IL1RL2: variants seen among roughly 807,000 people sequenced by gnomAD.
IL1RL2 encodes interleukin 1 receptor like 2.
IL1RL2 carries 68 observed loss-of-function variants against 66.8 expected under a neutral mutation model. The observed-to-expected ratio is 1.02, with a 90% CI of 0.84 to 1.25. IL1RL2 has a LOEUF of 1.25. IL1RL2 is among the 50% of genes most tolerant of loss of function. The pLI, the probability that IL1RL2 is intolerant of heterozygous loss-of-function variation, is 0.00. For synonymous variants in IL1RL2, 305 were observed against 264.6 expected, an observed-to-expected ratio of 1.15 and a Z score of -1.48; for missense variants, 729 against 709.3, an observed-to-expected ratio of 1.03 and a Z score of -0.32.
chr2:102,219,228 A>G, intron 7 of IL1RL2, 146 bp downstream of exon 7: 2 of 913,680 alleles, frequency 2.2e-6, no homozygotes. Flanking sequence ...AGTTAGGGAG[A>G]TATGGTAAAA....
At chr2:102,187,461 G>A (rs1374200418) in intron 1 of IL1RL2, 5 of 960,126 alleles carry the variant, frequency 5.2e-6, no homozygotes, top group African/African-American at 1.7e-5. Context: ...CGCCGCGAGC[G>A]GGGTTGGGGT....
intron 8 of IL1RL2, among the ~76,000 whole-genome samples, chr2:102,223,678 T>C (rs1337124312): frequency 6.6e-6 from 1 of 152,206 alleles, no homozygotes; most frequent in African/African-American, 2.4e-5. Flanking sequence ...CCTGTCTATG[T>C]GCCAGAGGCT....
At chr2:102,194,227 C>T (rs1389850415) in intron 4 of IL1RL2, among the ~76,000 whole-genome samples, 1 of 152,154 alleles carries the variant, frequency 6.6e-6, no homozygotes, top group Admixed American at 6.5e-5. Context: ...TGAATAAAAT[C>T]ATATGTAGTG....
intron 10 of IL1RL2, among the ~76,000 whole-genome samples, chr2:102,234,562 G>A (rs796571016): frequency 2.0e-5 from 3 of 152,328 alleles, no homozygotes; most frequent in African/African-American, 7.2e-5. Context: ...GAGAGGCCGA[G>A]GTGGGCAGAT....
chr2:102,232,113 C>CT (rs70946680), intron 9 of IL1RL2, among the ~76,000 whole-genome samples: 23,901 of 144,190 alleles, frequency 0.17, 2,041 homozygotes, highest in African/African-American at 0.18. Flanking sequence ...TCCTTGAACT[C>CT]TTTTTTTTTT....
In IL1RL2 at chr2:102,239,657, A is replaced by C; in HGVS notation, c.*416A>C. 1 of 153,162 alleles carries C rather than the reference A, an allele frequency of 6.5e-6. No individual in the cohort carries two copies. Among genetic ancestry groups the C allele is most frequent in the Non-Finnish European group, 1.4e-5 (1 of 73,782 alleles). 9.5% of individuals were successfully genotyped at this position (153,162 alleles called of 1,614,324 possible). ...GGGTGAGAGCTGGGGGTATCCCTAC[A>C]TCATGGTGGGTGAGAGCTGGGAGCA... On this transcript the variant is annotated 3_prime_UTR_variant, in exon 12 of 12. Transcript: ENST00000264257.
intron 4 of IL1RL2, among the ~76,000 whole-genome samples, chr2:102,200,261 T>C (rs943690249): frequency 2.6e-5 from 4 of 152,192 alleles, no homozygotes; most frequent in Non-Finnish European, 4.4e-5. Flanking sequence ...TATGAGTTGG[T>C]TTCCCATATC....
At chr2:102,210,031 G>C (rs549950112) in intron 5 of IL1RL2, among the ~76,000 whole-genome samples, 3 of 141,838 alleles carry the variant, frequency 2.1e-5, no homozygotes, top group Non-Finnish European at 3.2e-5. Context: ...TGTAATTATA[G>C]GGAAGATGAA....
intron 9 of IL1RL2, among the ~76,000 whole-genome samples, chr2:102,231,478 A>C (rs1309493814): frequency 6.6e-6 from 1 of 151,956 alleles, no homozygotes; most frequent in African/African-American, 2.4e-5. Context: ...AGCTTGAGAG[A>C]CATGAGTGAG....
In IL1RL2 at chr2:102,201,616, A is replaced by C; in HGVS notation, c.550A>C (p.Asn184His). 6.2e-7 allele frequency: 1 copy of C among 1,614,110 alleles called. No homozygotes were observed. The highest frequency in any genetic ancestry group is 8.5e-7 in the Non-Finnish European group (1 of 1,179,990). The change falls in exon 5 of 12, where the codon AAT becomes CAT. Residue 184 changes from asparagine (N) to histidine (H), a missense_variant. By Grantham distance (68) the Asn-to-His change is moderately conservative (BLOSUM62 1). Transcript: ENST00000264257. ...TTTGGAAACCAGGCTTTTGGTGAGC[A>C]ATGTCTCGGCAGAGGACAGAGGGAA... is the stretch of plus-strand genomic sequence containing the variant. ...TVLETRLLVS[N>H]VSAEDRGNYA...
rs942387865 is a variant in IL1RL2, at chr2:102,219,890, C to T, written c.864C>T (p.Val288=). 6.2e-7 allele frequency: 1 copy of T among 1,607,608 alleles called. No individual in the cohort carries two copies. Among genetic ancestry groups the T allele is most frequent in the African/African-American group, 1.3e-5 (1 of 74,976 alleles). Residue 288 remains valine, a synonymous_variant, in exon 8 of 12, where the codon GTC becomes GTT. Coordinates refer to ENST00000264257, the MANE Select transcript of IL1RL2 (RefSeq NM_003854.4). ...KRIREGVETH[V]SFREHNLYTV... is the part of the protein sequence containing the mutation. ...CTCTTTTCTTTTATAGAACCCATGTCTCTTTTCGGGAACATAATTTGTACA... is the reference window on the plus strand; with the variant it reads ...CTCTTTTCTTTTATAGAACCCATGTTTCTTTTCGGGAACATAATTTGTACA...
chr2:102,226,029 G>A lies in IL1RL2; in HGVS notation c.1123G>A (p.Glu375Lys), dbSNP rs1690579722. 2 of 1,599,808 alleles carry A rather than the reference G, an allele frequency of 1.3e-6. No homozygotes were observed. Among genetic ancestry groups the A allele is most frequent in the East Asian group, 4.6e-5 (2 of 43,944 alleles). Reference protein sequence around the residue: ...LWYRSAFHSTETIVDGKLYDA... With the variant: ...LWYRSAFHSTKTIVDGKLYDA... The stretch of plus-strand genomic sequence containing the variant: ...GTATCGAAGTGCCTTCCATTCTACA[G>A]AGACCATAGTAGGTAAGTGTGTGTA... The change falls in exon 9 of 12, where the codon GAG becomes AAG. Residue 375 changes from glutamate (E) to lysine (K), a missense_variant. Transcript: ENST00000264257.
chr2:102,223,027 A>G (rs1008689201), intron 8 of IL1RL2, among the ~76,000 whole-genome samples: 2 of 152,234 alleles, frequency 1.3e-5, no homozygotes, highest in African/African-American at 4.8e-5. Flanking sequence ...CCAAGCTCAG[A>G]GGAGCTAATG....
intron 4 of IL1RL2, among the ~76,000 whole-genome samples, chr2:102,197,100 T>C (rs1212814734): frequency 6.6e-6 from 1 of 152,190 alleles, no homozygotes; most frequent in African/African-American, 2.4e-5. Context: ...GCCCCTAATT[T>C]TTCTAATTGT....
chr2:102,224,025 C>A (rs1359313904), intron 8 of IL1RL2, among the ~76,000 whole-genome samples: 5 of 152,112 alleles, frequency 3.3e-5, no homozygotes, highest in Admixed American at 6.6e-5. Context: ...AGTTATTGTG[C>A]CATGTATTTA....
rs1383113351 is a variant in IL1RL2, at chr2:102,192,515, C to A, written c.489+395C>A. Among the ~76,000 whole-genome samples the A allele has an allele frequency of 3.3e-5, 5 of 152,238 alleles. No homozygotes were observed. In the East Asian group the frequency reaches 9.6e-4, roughly 29 times the overall value. On this transcript the variant is annotated intron_variant, in intron 4 of 11. Transcript: ENST00000264257. ...TTCCATATTTGTTCTGGGCTCATCACACCTTCCTCAACTGTGGCTACCATG... is the reference window on the plus strand; with the variant it reads ...TTCCATATTTGTTCTGGGCTCATCAAACCTTCCTCAACTGTGGCTACCATG...
Position 102,239,334 on chromosome 2 carries a change from T to A in IL1RL2, c.*93T>A, listed in dbSNP as rs1675133216. Reference sequence around the variant, plus strand: ...CCTATTTTCTGCTGCAGGATGAGGCTAGGGTTAGCATTCTAGACACCCAGT... The same window carrying A: ...CCTATTTTCTGCTGCAGGATGAGGCAAGGGTTAGCATTCTAGACACCCAGT... On this transcript the variant is annotated 3_prime_UTR_variant, in exon 12 of 12. Transcript: ENST00000264257. 2 of 1,239,118 alleles carry A rather than the reference T, an allele frequency of 1.6e-6. No individual in the cohort carries two copies. The highest frequency in any genetic ancestry group is 2.4e-6 in the Non-Finnish European group (2 of 841,846). The allele number at this position is 1,239,118 out of a possible 1,614,324, so 76.8% of individuals were successfully genotyped here. A position where few individuals can be genotyped will look rare whatever the true frequency, so the allele number is the denominator to read the frequency against.
intron 11 of IL1RL2, among the ~76,000 whole-genome samples, chr2:102,236,557 TG>T (rs1459465627): frequency 6.6e-6 from 1 of 152,272 alleles, no homozygotes; most frequent in Non-Finnish European, 1.5e-5. Flanking sequence ...ATTTAACATT[TG>T]CTTTTTAAAA....
intron 5 of IL1RL2, among the ~76,000 whole-genome samples, chr2:102,207,533 A>AC (rs1191442467): frequency 6.6e-6 from 1 of 152,034 alleles, no homozygotes; most frequent in Non-Finnish European, 1.5e-5. Flanking sequence ...TGTAAATGTT[A>AC]TCTGGGAGGC....
Sources: allele counts gnomAD v4.1 joint callset (sites outside exome capture counted in the v4.1 genomes callset), GRCh38; gene constraint gnomAD v4.1.1; transcripts MANE v1.5; gene names NCBI Gene and HGNC (gene_info 2026-07-23, HGNC 2026-07-21).